SPIN3: variants seen among roughly 807,000 people sequenced by gnomAD.
SPIN3 encodes the protein spindlin family member 3.
For synonymous variants in SPIN3, 74 were observed against 74.3 expected, an observed-to-expected ratio of 1.00 and a Z score of 0.02; for missense variants, 176 against 196.4, an observed-to-expected ratio of 0.90 and a Z score of 0.62.
At chrX:56,980,633 C>T (rs1029966450) in intron 3 of SPIN3, among the ~76,000 whole-genome samples, 5 of 110,035 alleles carry the variant, frequency 4.5e-5, no homozygotes, top group African/African-American at 1.3e-4. Flanking sequence ...GCAGCAGTAG[C>T]AGCGTGGCTT....
At chrX:56,976,776 C>A (rs765380855) in exon 6 of SPIN3, 3 of 111,657 alleles carry the variant, frequency 2.7e-5, no homozygotes, top group Non-Finnish European at 3.8e-5. Context: ...ATATTTAGTT[C>A]TTTTGAGGAT....
intron 2 of SPIN3, among the ~76,000 whole-genome samples, chrX:56,985,065 C>G (rs1033417471): frequency 1.1e-4 from 12 of 111,513 alleles, no homozygotes; most frequent in Non-Finnish European, 1.9e-5. Context: ...GAAAGTTCTA[C>G]TTACTCTTCC....
chrX:56,979,782 TGTATG>T (rs1221734045), intron 3 of SPIN3: 1 of 112,021 alleles, frequency 8.9e-6, no homozygotes, highest in African/African-American at 3.2e-5. Context: ...GATTTTTTCC[TGTATG>T]TTTATATCAG....
At chrX:56,987,007 T>C (rs192692020), downstream of SPIN3, among the ~76,000 whole-genome samples, 2 of 111,806 alleles carry the variant, frequency 1.8e-5, no homozygotes, top group Non-Finnish European at 3.8e-5. Flanking sequence ...GTTGCATGCC[T>C]TTAATCCCAG....
chrX:56,994,638 C>T lies in SPIN3; in HGVS notation c.310G>A (p.Val104Met). ...TTAGGAAGGACTTCAAGTGATGACA[C>T]TCTTTCATCTCTGTGAAGTTCCAAT... ...YGLELHRDER[V>M]SSLEVLPNRV... is the part of the protein sequence containing the mutation. Residue 104 changes from valine (V) to methionine (M), a missense_variant, in exon 2 of 2, where the codon GTG (valine) becomes ATG (methionine). Val to Met is a conservative substitution (Grantham distance 21). Coordinates refer to ENST00000374919, the MANE Select transcript of SPIN3 (RefSeq NM_001010862.3). 8.3e-7 allele frequency: 1 copy of T among 1,211,607 alleles called. No homozygotes were observed. The highest frequency in any genetic ancestry group is 1.1e-6 in the Non-Finnish European group (1 of 895,356).
chrX:56,983,540 C>T (rs146546171), intron 3 of SPIN3, among the ~76,000 whole-genome samples: 2 of 112,712 alleles, frequency 1.8e-5, no homozygotes, highest in South Asian at 7.2e-4. Flanking sequence ...GGGCCAAGCA[C>T]CATTTGAATT....
chrX:56,984,491 A>G (rs1335662571), intron 2 of SPIN3: 1 of 329,621 alleles, frequency 3.0e-6, no homozygotes, highest in East Asian at 9.7e-5. Context: ...GAAAAGCAAA[A>G]AAAAAAAGTA....
At chrX:56,982,089 C>T (rs774582950) in intron 3 of SPIN3, 4 of 111,587 alleles carry the variant, frequency 3.6e-5, no homozygotes, top group Non-Finnish European at 7.5e-5. Context: ...TTGACTCCAT[C>T]GTTACTTGGA....
downstream of SPIN3, among the ~76,000 whole-genome samples, chrX:56,988,936 C>T (rs754665644): frequency 2.1e-4 from 24 of 111,856 alleles, no homozygotes; most frequent in South Asian, 8.8e-3. Context: ...AAAGGGCATC[C>T]ACCCAAGATA....
chrX:56,985,431 C>T (rs996755883), intron 2 of SPIN3, among the ~76,000 whole-genome samples: 5 of 112,362 alleles, frequency 4.4e-5, no homozygotes, highest in East Asian at 2.8e-4. Context: ...TATCCAAAGA[C>T]GGATTAGTGT....
downstream of SPIN3, chrX:56,975,768 T>C (rs1456417434): frequency 1.8e-5 from 2 of 111,229 alleles, no homozygotes; most frequent in African/African-American, 6.5e-5. Context: ...AGAGGCAGCT[T>C]AGGTTTGGGA....
chrX:56,992,897 A>T lies in SPIN3; in HGVS notation c.*1274T>A. On this transcript the variant is annotated 3_prime_UTR_variant, in exon 2 of 2. Transcript: ENST00000374919. ...ACCCTTATCTGCATATAAGTTTCTT[A>T]GGGCCAGCCAAGAAACAGGATAGTT... The T allele has an allele frequency of 6.4e-6, 1 of 156,881 alleles. No individual in the cohort carries two copies. The highest frequency in any genetic ancestry group is 1.2e-5 in the Non-Finnish European group (1 of 82,056). The allele number at this position is 156,881 out of a possible 1,213,427, so 12.9% of individuals were successfully genotyped here. A position where few individuals can be genotyped will look rare whatever the true frequency, so the allele number is the denominator to read the frequency against.
rs1191493923 is a variant in SPIN3, at chrX:56,993,241, T to C, written c.*930A>G. 4 of 112,055 alleles carry C rather than the reference T, an allele frequency of 3.6e-5. No individual in the cohort carries two copies. The highest frequency in any genetic ancestry group is 7.5e-5 in the Non-Finnish European group (4 of 53,187). The allele number at this position is 112,055 out of a possible 1,213,427, so 9.2% of individuals were successfully genotyped here. A position where few individuals can be genotyped will look rare whatever the true frequency, so the allele number is the denominator to read the frequency against. Reference sequence around the variant, plus strand: ...TTGATTCTAGGTTTCTCCTCTTTCATTTTGAGGTTCTGGACAGATCTGTCC... The same window carrying C: ...TTGATTCTAGGTTTCTCCTCTTTCACTTTGAGGTTCTGGACAGATCTGTCC... On this transcript the variant is annotated 3_prime_UTR_variant, in exon 2 of 2. Transcript: ENST00000374919.
intron 3 of SPIN3, chrX:56,980,518 C>T (rs76138946): frequency 2.8e-5 from 3 of 109,041 alleles, no homozygotes; most frequent in South Asian, 4.0e-4. Flanking sequence ...TACAGTTCAG[C>T]GACAAAGGAA....
downstream of SPIN3, among the ~76,000 whole-genome samples, chrX:56,987,723 C>T (rs953832859): frequency 2.7e-5 from 3 of 111,697 alleles, no homozygotes; most frequent in African/African-American, 9.7e-5. Context: ...TAAAGATTAA[C>T]GAGCTCTCTG....
chrX:56,981,009 T>C (rs889400250), intron 3 of SPIN3, among the ~76,000 whole-genome samples: 4 of 107,304 alleles, frequency 3.7e-5, no homozygotes, highest in Non-Finnish European at 7.7e-5. Context: ...GAAAGCAATG[T>C]ATTGACTAAT....
chrX:56,984,285 G>A lies in SPIN3; in HGVS notation c.*185C>T, dbSNP rs1008777342. On this transcript the variant is annotated 3_prime_UTR_variant and NMD_transcript_variant, in exon 3 of 6. Transcript: ENST00000475785. ...TCTTACCTTCTAGGTGTTTGCTGTTGGTCTGCTGGTCTCATTCATAACATT... is the reference window on the plus strand; with the variant it reads ...TCTTACCTTCTAGGTGTTTGCTGTTAGTCTGCTGGTCTCATTCATAACATT... 4 of 245,549 alleles carry A rather than the reference G, an allele frequency of 1.6e-5. No homozygotes were observed. The Admixed American group carries it at 2.1e-4, about 13-fold the overall frequency. 20.2% of individuals were successfully genotyped at this position (245,549 alleles called of 1,213,427 possible).
chrX:56,981,932 C>T (rs889284422), intron 3 of SPIN3: 1 of 111,621 alleles, frequency 9.0e-6, no homozygotes, highest in Admixed American at 9.5e-5. Context: ...TGACTGACTT[C>T]CTCATGTCTC....
intron 5 of SPIN3, chrX:56,977,650 T>C (rs1171523591): frequency 8.9e-6 from 1 of 112,511 alleles, no homozygotes; most frequent in Non-Finnish European, 1.9e-5. Context: ...CCAAAACTTA[T>C]GTTGAAACTT....
Sources: allele counts gnomAD v4.1 joint callset (sites outside exome capture counted in the v4.1 genomes callset), GRCh38; gene constraint gnomAD v4.1.1; transcripts MANE v1.5; gene names NCBI Gene and HGNC (gene_info 2026-07-23, HGNC 2026-07-21).